The following GKAP1 variants were observed in gnomAD, a reference collection of about 807,000 sequenced individuals.
GKAP1 encodes the protein G kinase anchoring protein 1.
A neutral mutation model predicts 56.7 loss-of-function variants in GKAP1; 31 were observed. The ratio of observed to expected loss-of-function variants is 0.55; its 90% confidence interval spans 0.41 to 0.74. GKAP1 has a LOEUF of 0.74. Ranked by LOEUF, GKAP1 falls within the 30% of genes least tolerant of loss-of-function variation. The probability of loss-of-function intolerance (pLI) is 0.00; values close to 1 mark genes in which losing one functional copy is unlikely to be tolerated. For missense variants in GKAP1, 364 were observed against 402.3 expected, an observed-to-expected ratio of 0.90 and a Z score of 0.82; for synonymous variants, 151 against 138.6, an observed-to-expected ratio of 1.09 and a Z score of -0.63.
At chr9:83,796,570 A>G (rs974971351) in intron 4 of GKAP1, among the ~76,000 whole-genome samples, 3 of 151,984 alleles carry the variant, frequency 2.0e-5, no homozygotes, top group African/African-American at 7.3e-5. Context: ...TGGGCTCAAG[A>G]TATTCTCCTG....
chr9:83,794,482 A>G (rs933242048), intron 4 of GKAP1, among the ~76,000 whole-genome samples: 2 of 152,236 alleles, frequency 1.3e-5, no homozygotes, highest in African/African-American at 4.8e-5. Context: ...CAAAACCAGA[A>G]CAAGCTATTG....
intron 7 of GKAP1, among the ~76,000 whole-genome samples, chr9:83,769,938 C>T (rs1943728537): frequency 6.6e-6 from 1 of 152,182 alleles, no homozygotes; most frequent in African/African-American, 2.4e-5. Flanking sequence ...GGTTTTCAGT[C>T]GCATTTCCCT....
chr9:83,757,910 G>C (rs1463469311), intron 8 of GKAP1, among the ~76,000 whole-genome samples: 1 of 152,036 alleles, frequency 6.6e-6, no homozygotes, highest in East Asian at 1.9e-4. Flanking sequence ...TGAAATGACA[G>C]AAGTCAAGCC....
intron 6 of GKAP1, among the ~76,000 whole-genome samples, chr9:83,783,918 A>G (rs1315939448): frequency 6.6e-6 from 1 of 152,218 alleles, no homozygotes; most frequent in Non-Finnish European, 1.5e-5. Context: ...TTAAAACCCC[A>G]AATGGTTTTA....
intron 8 of GKAP1, among the ~76,000 whole-genome samples, chr9:83,763,824 G>A (rs1943615588): frequency 6.6e-6 from 1 of 152,096 alleles, no homozygotes; most frequent in South Asian, 2.1e-4. Context: ...AAGAAAGGCA[G>A]GTAATTTCAT....
chr9:83,804,426 A>C (rs1200036816), intron 3 of GKAP1, among the ~76,000 whole-genome samples: 3 of 69,096 alleles, frequency 4.3e-5, no homozygotes, highest in East Asian at 1.0e-3. Flanking sequence ...CCGGCCAGCC[A>C]CCCCGTCCGG....
chr9:83,785,331 T>C (rs1587723039), intron 5 of GKAP1, among the ~76,000 whole-genome samples: 1 of 152,190 alleles, frequency 6.6e-6, no homozygotes, highest in East Asian at 1.9e-4. Context: ...TTGTTCACAT[T>C]ATCCCACTCT....
At chr9:83,745,336 T>C (rs904822776) in intron 10 of GKAP1, among the ~76,000 whole-genome samples, 1 of 152,140 alleles carries the variant, frequency 6.6e-6, no homozygotes, top group Admixed American at 6.5e-5. Context: ...CTGGCCATCT[T>C]GTGTGATTTT....
At chr9:83,797,502 G>C (rs1944266553) in intron 4 of GKAP1, among the ~76,000 whole-genome samples, 1 of 152,060 alleles carries the variant, frequency 6.6e-6, no homozygotes, top group Non-Finnish European at 1.5e-5. Context: ...ACCTCTCAGT[G>C]TAATTATCCC....
In GKAP1 at chr9:83,806,356, T is replaced by C; in HGVS notation, c.162A>G (p.Lys54=). The C allele has an allele frequency of 6.4e-7, 1 of 1,562,010 alleles. No individual in the cohort carries two copies. ...TCTTTTTTCTTCTTTTCTCTCTTTT[T>C]TTCTCATTTGTAGTTGACTTGCTTC... ...TLGSKSTTNE[K]KREKRRKKKE... is the part of the protein sequence containing the mutation. The change falls in exon 3 of 13, where the codon AAA becomes AAG. Residue 54 remains lysine (K), a synonymous_variant. Coordinates refer to ENST00000376371, the MANE Select transcript of GKAP1 (RefSeq NM_025211.4).
At chr9:83,811,578 G>T (rs1206862681) in intron 2 of GKAP1, among the ~76,000 whole-genome samples, 1 of 152,146 alleles carries the variant, frequency 6.6e-6, no homozygotes, top group Non-Finnish European at 1.5e-5. Context: ...TATTTTTCTG[G>T]TAAAGCAGCT....
chr9:83,753,559 G>C (rs7044691), intron 8 of GKAP1, among the ~76,000 whole-genome samples, 200 bp from the exon 9 acceptor site: 85,698 of 151,992 alleles, frequency 0.56, 24,763 homozygotes, highest in Admixed American at 0.7. Flanking sequence ...TTATAATTAA[G>C]CCAAACATAC....
intron 3 of GKAP1, among the ~76,000 whole-genome samples, chr9:83,800,583 C>T (rs1051093434): frequency 2.0e-5 from 3 of 152,038 alleles, no homozygotes; most frequent in Non-Finnish European, 4.4e-5. Context: ...ATCCCACCCA[C>T]CTCAGCCTCC....
chr9:83,744,763 A>G (rs971148610), intron 10 of GKAP1, among the ~76,000 whole-genome samples: 3 of 152,202 alleles, frequency 2.0e-5, no homozygotes, highest in African/African-American at 7.2e-5. Flanking sequence ...GGTAATTTAT[A>G]AAGAAAAGAG....
intron 4 of GKAP1, 102 bp downstream of exon 4, chr9:83,799,083 A>G: frequency 1.1e-6 from 1 of 939,020 alleles, no homozygotes; most frequent in South Asian, 1.5e-5. Context: ...TCCAATACAA[A>G]TTGCTTCTCA....
intron 4 of GKAP1, chr9:83,792,890 A>G: frequency 2.4e-6 from 1 of 417,634 alleles, no homozygotes; most frequent in Non-Finnish European, 3.4e-6. Context: ...GTAGGAGGAA[A>G]GGAAGAAAAA....
chr9:83,769,093 A>C lies in GKAP1; in HGVS notation c.586-123T>G, dbSNP rs568590215. ...CCTAGTCAACCACTAGAAGGATAAA[A>C]AAAGAAAGAAAAATGACAGCTAAGA... On this transcript the variant is annotated intron_variant, in intron 7 of 12. Transcript: ENST00000376371. 38 of 634,746 alleles carry C rather than the reference A, an allele frequency of 6.0e-5. No homozygotes were observed. In the East Asian group the frequency reaches 1.0e-3, roughly 17 times the overall value. 39.3% of individuals were successfully genotyped at this position (634,746 alleles called of 1,614,324 possible).
In GKAP1 at chr9:83,777,882, ATCT is replaced by A. The variant is rs1359242455; in HGVS notation, c.585+2497_585+2499del. Among the ~76,000 whole-genome samples the A allele has an allele frequency of 2.0e-5, 3 of 152,214 alleles. No homozygotes were observed. In the East Asian group the frequency reaches 5.8e-4, roughly 29 times the overall value. On this transcript the variant is annotated intron_variant, in intron 7 of 12. Transcript: ENST00000376371. Reference sequence around the variant, plus strand: ...TTTTGGATTCTCTGTGGAAAAAAAGATCTTCTAAATTTCTAGATCAATGGTATA... The same window carrying A: ...TTTTGGATTCTCTGTGGAAAAAAAGATCTAAATTTCTAGATCAATGGTATA...
intron 9 of GKAP1, among the ~76,000 whole-genome samples, chr9:83,750,402 A>G (rs578142090): frequency 6.6e-6 from 1 of 152,314 alleles, no homozygotes; most frequent in African/African-American, 2.4e-5. Flanking sequence ...ATCCAAAATG[A>G]AATCTATTAG....
Sources: gnomAD v4.1 joint callset for allele counts (sites outside exome capture counted in the v4.1 genomes callset) on GRCh38, gnomAD v4.1.1 for gene constraint, MANE v1.5 for transcripts, NCBI Gene and HGNC (gene_info 2026-07-23, HGNC 2026-07-21) for gene names.